URB1: variants seen among roughly 807,000 people sequenced by gnomAD.
URB1 encodes nucleolar pre-ribosomal-associated protein 1.
URB1 carries 197 observed loss-of-function variants against 242.3 expected under a neutral mutation model. The observed-to-expected ratio is 0.81, with a 90% CI of 0.72 to 0.91. The LOEUF is 0.91. Ranked by LOEUF, URB1 falls within the 40% of genes least tolerant of loss-of-function variation. The pLI is 0.00. For missense variants in URB1, 2,721 were observed against 2,860.5 expected (o/e 0.95, Z 1.11); for synonymous variants, 1,153 against 1,201.8 (o/e 0.96, Z 0.84).
In URB1 at chr21:32,343,037, C is replaced by A. The variant is rs545760389; in HGVS notation, c.4258-1513G>T. ...AATATGGTATTATGCTAAAAACAAA[C>A]AAAAGACCAGGCTACACACAGCATG... On this transcript the variant is annotated intron_variant, in intron 24 of 38. Coordinates refer to ENST00000382751, the MANE Select transcript of URB1 (RefSeq NM_014825.3). Among the ~76,000 whole-genome samples the A allele has an allele frequency of 2.6e-4, 39 of 152,140 alleles. 1 individual carries two copies. In the South Asian group the frequency reaches 8.1e-3, roughly 32 times the overall value.
At chr21:32,360,889 C>T in intron 13 of URB1, 118 bp downstream of exon 13, 1 of 615,964 alleles carries the variant, frequency 1.6e-6, no homozygotes, top group Non-Finnish European at 2.7e-6. Flanking sequence ...ATTTCTCAGG[C>T]TGACGGATGA....
At chr21:32,327,030 C>T (rs1270549424) in intron 30 of URB1, among the ~76,000 whole-genome samples, 2 of 151,396 alleles carry the variant, frequency 1.3e-5, no homozygotes, top group African/African-American at 2.4e-5. Flanking sequence ...GAAAAAAATC[C>T]GAAGAAATAA....
At chr21:32,338,677 C>A (rs528701838) in intron 26 of URB1, 30 bp downstream of exon 26, 1 of 1,549,468 alleles carries the variant, frequency 6.5e-7, no homozygotes, top group Admixed American at 2.0e-5. Flanking sequence ...AATCTGGATA[C>A]GGAATGGAAG....
chr21:32,361,670 G>A (rs1167018242), intron 12 of URB1, among the ~76,000 whole-genome samples: 2 of 152,156 alleles, frequency 1.3e-5, no homozygotes, highest in Non-Finnish European at 2.9e-5. Flanking sequence ...CACAGTGCTC[G>A]CATAAAGATG....
rs535285222 is a variant in URB1, at chr21:32,317,660, G to A, written c.6034+16C>T. 66 of 1,551,230 alleles carry A rather than the reference G, an allele frequency of 4.3e-5. No homozygotes were observed. The South Asian group carries it at 6.8e-4, about 16-fold the overall frequency. ...ATGTTGGCTACTCTGGGCCAGTCCT[G>A]GGTTCTGACACTCACTCATGAGCTC... is the stretch of plus-strand genomic sequence containing the variant. On this transcript the variant is annotated intron_variant, in intron 37 of 38. Transcript: ENST00000382751.
rs1187663766 is a variant in URB1, at chr21:32,390,852, T to C, written c.142+1917A>G. 3.3e-5 allele frequency among the ~76,000 whole-genome samples: 5 copies of C among 152,174 alleles called. No individual in the cohort carries two copies. The South Asian group carries it at 6.2e-4, about 19-fold the overall frequency. On this transcript the variant is annotated intron_variant, in intron 1 of 38. Transcript: ENST00000382751. ...GAACTAGAAATACCATTTGACCCAGTCATCCCATTACTGGGTATATACCCA... is the reference window on the plus strand; with the variant it reads ...GAACTAGAAATACCATTTGACCCAGCCATCCCATTACTGGGTATATACCCA...
intron 8 of URB1, among the ~76,000 whole-genome samples, chr21:32,369,485 G>A (rs977880268): frequency 1.3e-5 from 2 of 151,992 alleles, no homozygotes; most frequent in South Asian, 4.1e-4. Flanking sequence ...TTTCTTCAGA[G>A]ACAGGGTCTT....
At chr21:32,384,246 T>C in intron 3 of URB1, 67 bp downstream of exon 3, 4 of 1,503,060 alleles carry the variant, frequency 2.7e-6, no homozygotes, top group Non-Finnish European at 3.6e-6. Flanking sequence ...CAAATGCACC[T>C]GCGGAGAGCT....
chr21:32,311,828 T>C lies in URB1; in HGVS notation c.*3090A>G, dbSNP rs762353574. The C allele has an allele frequency of 1.9e-6, 3 of 1,613,740 alleles. No individual in the cohort carries two copies. The highest frequency in any genetic ancestry group is 1.6e-4 in the Middle Eastern group (1 of 6,084). On this transcript the variant is annotated 3_prime_UTR_variant, in exon 39 of 39. Transcript: ENST00000382751. The stretch of plus-strand genomic sequence containing the variant: ...GCTCAGTGGAGCCAGGGAGCAGAAC[T>C]GGCCCTGACCAGCCGCTACGACAGG...
At position 32,347,265 on chromosome 21, in the gene URB1, G is replaced by A. The variant is rs754365732; in HGVS notation, c.3559C>T (p.Leu1187=). 1 of 1,550,888 alleles carries A rather than the reference G, an allele frequency of 6.4e-7. No homozygotes were observed. The highest frequency in any genetic ancestry group is 1.2e-5 in the South Asian group (1 of 84,054). ...TCGTCCACTGCTAGCGTGGGCAGCA[G>A]AGCCCCCAGGCCTCTCACATACTCG... ...SSEYVRGLGA[L]LPTLAVDELD... is the part of the protein sequence containing the mutation. Residue 1187 remains leucine (L), a synonymous_variant, in exon 22 of 39, where the codon CTG becomes TTG. Transcript: ENST00000382751.
intron 25 of URB1, among the ~76,000 whole-genome samples, chr21:32,340,595 A>G (rs1321913421): frequency 1.3e-5 from 2 of 152,226 alleles, no homozygotes; most frequent in African/African-American, 4.8e-5. Flanking sequence ...TCTGGGCAAC[A>G]TGAGCAAAAC....
intron 14 of URB1, among the ~76,000 whole-genome samples, chr21:32,359,052 C>T (rs1444981880): frequency 6.6e-6 from 1 of 152,204 alleles, no homozygotes; most frequent in African/African-American, 2.4e-5. Flanking sequence ...GACACATAGT[C>T]CCAGAGGCAC....
At chr21:32,387,979 T>A (rs1037715823) in intron 1 of URB1, among the ~76,000 whole-genome samples, 1 of 152,242 alleles carries the variant, frequency 6.6e-6, no homozygotes, top group Non-Finnish European at 1.5e-5. Flanking sequence ...CAGGGCTTGG[T>A]ACTGCAGGTG....
At chr21:32,335,604 C>T (rs886852119) in intron 28 of URB1, 1 of 152,388 alleles carries the variant, frequency 6.6e-6, no homozygotes, top group African/African-American at 2.4e-5. Flanking sequence ...AAGTCGACAA[C>T]AGTCACTAAT....
rs2032654849 is a variant in URB1, at chr21:32,314,818, C to T, written c.*100G>A. The stretch of plus-strand genomic sequence containing the variant: ...CCAATGTACTGAACCTGTTGTTTCC[C>T]ATGCCTTCTCTGGAAACCCTTGACT... On this transcript the variant is annotated 3_prime_UTR_variant, in exon 39 of 39. Coordinates refer to ENST00000382751, the MANE Select transcript of URB1 (RefSeq NM_014825.3). The T allele has an allele frequency of 6.1e-6, 9 of 1,487,276 alleles. No homozygotes were observed. The highest frequency in any genetic ancestry group is 1.3e-5 in the South Asian group (1 of 77,272). 92.1% of individuals were successfully genotyped at this position (1,487,276 alleles called of 1,614,324 possible).
At chr21:32,362,244 C>T (rs543127183) in intron 11 of URB1, among the ~76,000 whole-genome samples, 204 of 151,452 alleles carry the variant, frequency 1.3e-3, no homozygotes, top group Non-Finnish European at 2.6e-3. Flanking sequence ...CTCACTCTGT[C>T]GCCCAGGCTG....
chr21:32,337,770 T>C (rs1714651376), intron 26 of URB1, among the ~76,000 whole-genome samples: 1 of 151,828 alleles, frequency 6.6e-6, no homozygotes, highest in African/African-American at 2.4e-5. Flanking sequence ...CAAGCAATCC[T>C]CCTTGGCATC....
rs1003863382 is a variant in URB1, at chr21:32,350,979, C to T, written c.2614-57G>A. The T allele has an allele frequency of 4.0e-5, 60 of 1,490,860 alleles. 1 individual carries two copies. In the Admixed American group the frequency reaches 1.1e-3, roughly 27 times the overall value. The allele number at this position is 1,490,860 out of a possible 1,614,324, so 92.4% of individuals were successfully genotyped here. On this transcript the variant is annotated intron_variant, in intron 19 of 38. Coordinates refer to ENST00000382751, the MANE Select transcript of URB1 (RefSeq NM_014825.3). ...AAAGACACATCACCACAGATGAAAACGGTCATAGGCACAGGTAACACACAA... is the reference window on the plus strand; with the variant it reads ...AAAGACACATCACCACAGATGAAAATGGTCATAGGCACAGGTAACACACAA...
At chr21:32,378,668 C>A (rs1471374161) in intron 4 of URB1, 127 bp from the exon 5 acceptor site, 6 of 751,664 alleles carry the variant, frequency 8.0e-6, no homozygotes, top group South Asian at 1.6e-5. Flanking sequence ...TGTCCCCAGT[C>A]ACCAGGGGAT....
Sources: gnomAD v4.1 joint callset for allele counts (sites outside exome capture counted in the v4.1 genomes callset) on GRCh38, gnomAD v4.1.1 for gene constraint, MANE v1.5 for transcripts, NCBI Gene and HGNC (gene_info 2026-07-23, HGNC 2026-07-21) for gene names.